Variants in RHOBTB1 observed in about 807,000 individuals in gnomAD.
RHOBTB1 encodes Rho related BTB domain containing 1.
Under a neutral mutation model 71.6 loss-of-function variants are expected in RHOBTB1, and 40 were observed. The observed-to-expected ratio is 0.56, with a 90% CI of 0.43 to 0.73. The LOEUF (loss-of-function observed/expected upper bound fraction) is 0.73. Among genes scored for constraint, RHOBTB1 ranks in the 30% least tolerant of loss-of-function variants. The pLI, the probability that RHOBTB1 is intolerant of heterozygous loss-of-function variation, is 0.00. For missense variants in RHOBTB1, 797 were observed against 894.0 expected, an observed-to-expected ratio of 0.89 and a Z score of 1.38; for synonymous variants, 319 against 334.9, an observed-to-expected ratio of 0.95 and a Z score of 0.52.
chr10:60,892,401 G>A (rs561556999), intron 5 of RHOBTB1, among the ~76,000 whole-genome samples: 1 of 152,262 alleles, frequency 6.6e-6, no homozygotes, highest in South Asian at 2.1e-4. Context: ...CCTTCAATAT[G>A]TGTGTTTGTA....
intron 4 of RHOBTB1, among the ~76,000 whole-genome samples, chr10:60,905,013 T>C (rs1340898496): frequency 6.6e-6 from 1 of 152,206 alleles, no homozygotes; most frequent in South Asian, 2.1e-4. Flanking sequence ...TTGCTAACTT[T>C]CTTCCCTTAG....
chr10:60,862,370 G>T, the RHOBTB1 span, among the ~76,000 whole-genome samples: 1 of 151,976 alleles, frequency 6.6e-6, no homozygotes, highest in Admixed American at 6.6e-5. Context: ...GCAAATTTTT[G>T]TATTTTTAGT....
rs1461451010 is a variant in RHOBTB1 at position 60,871,560 on chromosome 10, C to T, written c.2013G>A (p.Glu671=). The change falls in exon 11 of 11, where the codon GAG becomes GAA. Residue 671 remains glutamate (E), a synonymous_variant. Transcript: ENST00000337910. ...DHYQRVKRER[E]KEDIALNKHR... is the part of the protein sequence containing the mutation. ...GCTTATTTAGTGCAATATCTTCCTT[C>T]TCTCGTTCCCTTTTCACACGCTGGT... 6.2e-7 allele frequency: 1 copy of T among 1,614,102 alleles called. No individual in the cohort carries two copies. The highest frequency in any genetic ancestry group is 1.7e-5 in the Admixed American group (1 of 60,016).
intron 4 of RHOBTB1, among the ~76,000 whole-genome samples, chr10:60,893,300 C>T (rs540299002): frequency 2.0e-4 from 31 of 152,080 alleles, no homozygotes; most frequent in Non-Finnish European, 3.7e-4. Flanking sequence ...GTCCTGGAAC[C>T]ACAACATGCT....
At chr10:60,970,644 A>G (rs993920347) in intron 2 of RHOBTB1, among the ~76,000 whole-genome samples, 5 of 152,128 alleles carry the variant, frequency 3.3e-5, no homozygotes, top group Non-Finnish European at 7.4e-5. Context: ...AGTAAGCACA[A>G]TAGAAACGTT....
At chr10:60,991,159 C>T (rs10994601) in intron 1 of RHOBTB1, among the ~76,000 whole-genome samples, 82,484 of 151,910 alleles carry the variant, frequency 0.54, 22,673 homozygotes, top group East Asian at 0.73. Context: ...TATGCATACT[C>T]TTCCCCCTTG....
chr10:60,874,242 G>C (rs749200562), intron 9 of RHOBTB1, among the ~76,000 whole-genome samples: 4 of 152,222 alleles, frequency 2.6e-5, no homozygotes, highest in Admixed American at 6.5e-5. Flanking sequence ...TAATCAGCCT[G>C]TGCCAGGGAC....
intron 7 of RHOBTB1, among the ~76,000 whole-genome samples, chr10:60,885,704 G>A (rs144479065): frequency 1.1e-3 from 175 of 152,316 alleles, no homozygotes; most frequent in African/African-American, 3.9e-3. Flanking sequence ...GGTGGCTGAA[G>A]AACTCTTTTC....
intron 6 of RHOBTB1, 88 bp from the exon 7 acceptor site, chr10:60,886,318 G>T (rs1284365215): frequency 1.2e-6 from 1 of 862,024 alleles, no homozygotes; most frequent in Non-Finnish European, 1.9e-6. Context: ...ACCAAACTGC[G>T]ACTCCCTTAC....
rs369929246 is a variant in RHOBTB1, at chr10:60,935,859, C to G, written c.-11+5945G>C. Among the ~76,000 whole-genome samples, 21 of 152,274 alleles carry G rather than the reference C, an allele frequency of 1.4e-4. No homozygotes were observed. The East Asian group carries it at 3.3e-3, about 24-fold the overall frequency. ...GAAAGTACAATATAATGGTGTGACA[C>G]TGCATCATCTCTTTCCAACTCTGTG... is the stretch of plus-strand genomic sequence containing the variant. On this transcript the variant is annotated intron_variant, in intron 2 of 10. Transcript: ENST00000337910.
chr10:60,931,300 C>A (rs907682739), intron 2 of RHOBTB1, among the ~76,000 whole-genome samples: 9 of 152,088 alleles, frequency 5.9e-5, no homozygotes, highest in Non-Finnish European at 8.8e-5. Context: ...TTCCATTATC[C>A]CCCAAAGAAA....
the RHOBTB1 span, among the ~76,000 whole-genome samples, chr10:60,861,665 A>G: frequency 1.3e-4 from 20 of 152,312 alleles, no homozygotes; most frequent in Non-Finnish European, 1.5e-4. Flanking sequence ...GTTGAAACTG[A>G]GAGATAAATG....
At chr10:60,908,061 T>G (rs565952803) in intron 4 of RHOBTB1, among the ~76,000 whole-genome samples, 6 of 152,312 alleles carry the variant, frequency 3.9e-5, no homozygotes, top group African/African-American at 1.4e-4. Flanking sequence ...AAAGAATGGG[T>G]AGAATAGTTC....
intron 4 of RHOBTB1, among the ~76,000 whole-genome samples, chr10:60,894,045 T>C (rs1456613927): frequency 6.6e-6 from 1 of 152,218 alleles, no homozygotes; most frequent in Non-Finnish European, 1.5e-5. Flanking sequence ...TTTATTGCCA[T>C]TGCCTTTACT....
intron 2 of RHOBTB1, among the ~76,000 whole-genome samples, chr10:60,921,524 T>A (rs748157818): frequency 2.0e-5 from 3 of 152,252 alleles, no homozygotes; most frequent in Non-Finnish European, 4.4e-5. Context: ...CTGATTATTA[T>A]GTTTATATGC....
Position 60,996,552 on chromosome 10 carries a change from CGA to C in RHOBTB1, c.-163+4845_-163+4846del, listed in dbSNP as rs200567806. ...CCCACTGTAGATGACCTGATGTCCC[CGA>C]GAGCTTCGGCAGCCTGGAACCCAAG... is the stretch of plus-strand genomic sequence containing the variant. On this transcript the variant is annotated intron_variant, in intron 1 of 11. Transcript: ENST00000357917. 8.1e-3 allele frequency among the ~76,000 whole-genome samples: 1,231 copies of C among 152,192 alleles called. 23 individuals are homozygous for C. The highest frequency in any genetic ancestry group is 0.028 in the African/African-American group (1,166 of 41,510).
chr10:60,923,904 T>G (rs76121616), intron 2 of RHOBTB1, among the ~76,000 whole-genome samples: 6,939 of 152,272 alleles, frequency 0.046, 270 homozygotes, highest in African/African-American at 0.099. Context: ...TGAAACCTCA[T>G]TTTCTCTATA....
upstream of RHOBTB1, among the ~76,000 whole-genome samples, chr10:60,944,770 C>A (rs1456792648): frequency 6.6e-6 from 1 of 152,222 alleles, no homozygotes; most frequent in East Asian, 1.9e-4. Context: ...ATTAGCCCAG[C>A]CTCCTCCTCC....
At chr10:60,922,561 T>C (rs780805252) in intron 2 of RHOBTB1, among the ~76,000 whole-genome samples, 14 of 152,116 alleles carry the variant, frequency 9.2e-5, no homozygotes, top group Non-Finnish European at 1.3e-4. Context: ...GGGAAAAGAA[T>C]TGGCCCAGGA....
Sources: gnomAD v4.1 joint callset for allele counts (sites outside exome capture counted in the v4.1 genomes callset) on GRCh38, gnomAD v4.1.1 for gene constraint, MANE v1.5 for transcripts, NCBI Gene and HGNC (gene_info 2026-07-23, HGNC 2026-07-21) for gene names.